CA1: variants seen among roughly 807,000 people sequenced by gnomAD.
CA1 encodes carbonate dehydratase I.
CA1 carries 27 observed loss-of-function variants against 28.8 expected under a neutral mutation model. The observed-to-expected ratio is 0.94, with a 90% CI of 0.69 to 1.29. CA1 has a LOEUF of 1.29. CA1 is among the 50% of genes most tolerant of loss of function. CA1 has a pLI of 0.00. For synonymous variants in CA1, 121 were observed against 108.8 expected, an observed-to-expected ratio of 1.11 and a Z score of -0.70; for missense variants, 335 against 310.5, an observed-to-expected ratio of 1.08 and a Z score of -0.59.
Position 85,328,571 on chromosome 8 carries a change from C to G in CA1, c.775G>C (p.Ala259Pro), listed in dbSNP as rs771227191. 28 of 1,595,866 alleles carry G rather than the reference C, an allele frequency of 1.8e-5. No individual in the cohort carries two copies. The highest frequency in any genetic ancestry group is 1.7e-4 in the Middle Eastern group (1 of 6,018). The change falls in exon 8 of 8, where the codon GCT (alanine) becomes CCT (proline). Residue 259 changes from alanine to proline, a missense_variant. By Grantham distance (27) the Ala-to-Pro change is conservative. Transcript: ENST00000523022. The stretch of plus-strand genomic sequence containing the variant: ...TCTTCTCAGAATCATCAAAATGAAG[C>G]TCTCACTGTTCTGCCCTTCAGAGGT... ...TQPLKGRTVR[A>P]SF
Position 85,348,166 on chromosome 8 carries a change from C to CTG in CA1, c.-24-6509_-24-6508dup, listed in dbSNP as rs146098593. On this transcript the variant is annotated intron_variant, in intron 1 of 7. Coordinates refer to ENST00000523022, the MANE Select transcript of CA1 (RefSeq NM_001128831.4). ...CAACAGCCACTTCAAAAACTACTCA[C>CTG]TGTTTTTCTAAATTAGATTTCCCCC... 4.9e-3 allele frequency among the ~76,000 whole-genome samples: 745 copies of CTG among 152,318 alleles called. 9 individuals are homozygous for CTG. The highest frequency in any genetic ancestry group is 0.017 in the African/African-American group (710 of 41,588).
At chr8:85,363,624 A>C (rs1360122117) in intron 1 of CA1, among the ~76,000 whole-genome samples, 1 of 152,162 alleles carries the variant, frequency 6.6e-6, no homozygotes, top group East Asian at 1.9e-4. Context: ...AAATGCTGCC[A>C]ATTCTATCTT....
At chr8:85,364,641 C>A (rs976428349) in intron 1 of CA1, among the ~76,000 whole-genome samples, 1 of 152,142 alleles carries the variant, frequency 6.6e-6, no homozygotes, top group Non-Finnish European at 1.5e-5. Context: ...AATTTTTAAT[C>A]AGCTACACTG....
chr8:85,377,228 T>G (rs1056636972), intron 1 of CA1, among the ~76,000 whole-genome samples: 3 of 152,186 alleles, frequency 2.0e-5, no homozygotes, highest in African/African-American at 7.2e-5. Context: ...TTTGAATGTT[T>G]AAGAGAACAT....
chr8:85,347,996 TG>T (rs1384160346), intron 1 of CA1, among the ~76,000 whole-genome samples: 1 of 152,166 alleles, frequency 6.6e-6, no homozygotes, highest in Non-Finnish European at 1.5e-5. Flanking sequence ...ATGCAAGACC[TG>T]GGAATCTATG....
At chr8:85,350,031 G>A (rs1809345940) in intron 1 of CA1, 1 of 152,256 alleles carries the variant, frequency 6.6e-6, no homozygotes, top group Non-Finnish European at 1.5e-5. Flanking sequence ...TTATGCAAAA[G>A]GTTACTTGGG....
Position 85,376,951 on chromosome 8 carries a change from C to G in CA1, c.-25+1095G>C, listed in dbSNP as rs147692965. Among the ~76,000 whole-genome samples, 1,225 of 152,232 alleles carry G rather than the reference C, an allele frequency of 8.0e-3. 16 individuals are homozygous for G. The highest frequency in any genetic ancestry group is 0.028 in the African/African-American group (1,149 of 41,536). ...CAATCAGATCATACATCTATCTATT[C>G]TCTTTATTTGCATAAGTGGATTTAC... is the stretch of plus-strand genomic sequence containing the variant. On this transcript the variant is annotated intron_variant, in intron 1 of 7. Transcript: ENST00000523022.
At chr8:85,334,464 A>G (rs1419249560) in intron 4 of CA1, among the ~76,000 whole-genome samples, 1 of 152,100 alleles carries the variant, frequency 6.6e-6, no homozygotes, top group Non-Finnish European at 1.5e-5. Flanking sequence ...ATTAGGGTTG[A>G]ACTCAAATGC....
chr8:85,339,391 G>A (rs903708636), intron 2 of CA1, among the ~76,000 whole-genome samples: 1 of 152,262 alleles, frequency 6.6e-6, no homozygotes, highest in African/African-American at 2.4e-5. Context: ...CATAAACCAT[G>A]TCCAAGTAAG....
At chr8:85,345,540 T>C (rs1184308327) in intron 1 of CA1, among the ~76,000 whole-genome samples, 2 of 152,194 alleles carry the variant, frequency 1.3e-5, no homozygotes, top group African/African-American at 4.8e-5. Context: ...ATCTATAATA[T>C]GCCTGGAAAA....
rs2432075 is a variant in CA1, at chr8:85,340,480, G to T, written c.37+1119C>A. 8.7e-3 allele frequency among the ~76,000 whole-genome samples: 1,327 copies of T among 152,330 alleles called. 18 individuals are homozygous for T. Among genetic ancestry groups the T allele is most frequent in the East Asian group, 0.063 (325 of 5,168 alleles). Reference sequence around the variant, plus strand: ...GTCACCCAGGAGCTCTGATGGAGATGTACAAGGAGATTGATGTTATGCTTA... The same window carrying T: ...GTCACCCAGGAGCTCTGATGGAGATTTACAAGGAGATTGATGTTATGCTTA... On this transcript the variant is annotated intron_variant, in intron 2 of 7. Transcript: ENST00000523022.
In CA1 at chr8:85,328,631, C is replaced by G; in HGVS notation, c.715G>C (p.Ala239Pro). The change falls in exon 8 of 8, where the codon GCT becomes CCT. Residue 239 changes from alanine (A) to proline (P), a missense_variant. Coordinates refer to ENST00000523022, the MANE Select transcript of CA1 (RefSeq NM_001128831.4). ...CGGTTGTTGTGCTGCATGGGGACAG[C>G]GTTATCACCTTCAACATTTGATAGA... ...SLLSNVEGDN[A>P]VPMQHNNRPT... The G allele has an allele frequency of 6.2e-7, 1 of 1,611,030 alleles. No homozygotes were observed. Among genetic ancestry groups the G allele is most frequent in the Non-Finnish European group, 8.5e-7 (1 of 1,177,938 alleles).
At chr8:85,376,328 T>A (rs1810414720) in intron 1 of CA1, among the ~76,000 whole-genome samples, 1 of 144,030 alleles carries the variant, frequency 6.9e-6, no homozygotes, top group Non-Finnish European at 1.5e-5. Flanking sequence ...AGATTCTGTC[T>A]CAAAAAAACA....
chr8:85,364,660 C>T (rs1240995865), intron 1 of CA1, among the ~76,000 whole-genome samples: 1 of 152,198 alleles, frequency 6.6e-6, no homozygotes, highest in Non-Finnish European at 1.5e-5. Context: ...TGCTATAATA[C>T]ACACTGAGCT....
chr8:85,331,617 C>T (rs908340854), intron 6 of CA1, among the ~76,000 whole-genome samples: 17 of 151,908 alleles, frequency 1.1e-4, no homozygotes, highest in Non-Finnish European at 1.8e-4. Context: ...CCACCACGCC[C>T]AGCTAATTTT....
intron 1 of CA1, among the ~76,000 whole-genome samples, chr8:85,372,316 G>C (rs992850048): frequency 6.6e-6 from 1 of 152,114 alleles, no homozygotes; most frequent in African/African-American, 2.4e-5. Flanking sequence ...AAATACAGCA[G>C]AAAACAAGTG....
intron 1 of CA1, among the ~76,000 whole-genome samples, chr8:85,343,656 T>A (rs1339724480): frequency 6.6e-6 from 1 of 152,164 alleles, no homozygotes; most frequent in Non-Finnish European, 1.5e-5. Context: ...AGCAACCCCC[T>A]TTCATTACAC....
At chr8:85,370,809 C>T (rs971963856) in intron 1 of CA1, among the ~76,000 whole-genome samples, 28 of 152,104 alleles carry the variant, frequency 1.8e-4, no homozygotes, top group African/African-American at 6.3e-4. Flanking sequence ...AAAAGATGCA[C>T]AATTTCAAAT....
chr8:85,356,212 T>G (rs557006552), intron 1 of CA1, among the ~76,000 whole-genome samples: 6 of 152,330 alleles, frequency 3.9e-5, no homozygotes, highest in African/African-American at 1.4e-4. Flanking sequence ...GCTTTTCTCA[T>G]GTACTCACTC....
Sources: allele counts gnomAD v4.1 joint callset (sites outside exome capture counted in the v4.1 genomes callset), GRCh38; gene constraint gnomAD v4.1.1; transcripts MANE v1.5; gene names NCBI Gene and HGNC (gene_info 2026-07-23, HGNC 2026-07-21).